MGAT4C: variants seen among roughly 807,000 people sequenced by gnomAD.
The protein encoded by MGAT4C is alpha-1,3-mannosyl-glycoprotein 4-beta-N-acetylglucosaminyltransferase C.
MGAT4C carries 19 observed loss-of-function variants against 40.1 expected under a neutral mutation model. That is an observed-to-expected ratio of 0.47 (90% confidence interval 0.33 to 0.70). MGAT4C has a LOEUF of 0.70. MGAT4C is among the 30% of genes least tolerant of loss of function. The pLI is 0.02. For missense variants in MGAT4C, 491 were observed against 563.2 expected (o/e 0.87, Z 1.30); for synonymous variants, 181 against 187.1 (o/e 0.97, Z 0.27).
At chr12:86,554,759 T>C (rs943830220) in intron 2 of MGAT4C, among the ~76,000 whole-genome samples, 2 of 152,234 alleles carry the variant, frequency 1.3e-5, no homozygotes, top group Admixed American at 1.3e-4. Context: ...CTATTGCTGC[T>C]ATAACAAATT....
chr12:86,135,195 A>T (rs1368219504), intron 1 of MGAT4C, among the ~76,000 whole-genome samples: 1 of 152,148 alleles, frequency 6.6e-6, no homozygotes, highest in Non-Finnish European at 1.5e-5. Flanking sequence ...AATGAAAACC[A>T]ACTCAGGGTT....
In MGAT4C at chr12:86,269,020, ATAT is replaced by A. The variant is rs1566246015; in HGVS notation, c.-57+65042_-57+65044del. ...TATATTCTTTCATACTTACATATAT[ATAT>A]ATATATATATATATATATATATATA... On this transcript the variant is annotated intron_variant, in intron 4 of 7. Coordinates refer to the MGAT4C transcript ENST00000548651. Among the ~76,000 whole-genome samples the A allele has an allele frequency of 1.8e-3, 21 of 11,768 alleles. 1 individual carries two copies. The highest frequency in any genetic ancestry group is 5.5e-3 in the African/African-American group (21 of 3,848). The allele number at this position is 11,768 out of a possible 152,430, so 7.7% of individuals were successfully genotyped here.
chr12:85,985,227 A>G (rs1405234161), intron 3 of MGAT4C, among the ~76,000 whole-genome samples: 1 of 152,238 alleles, frequency 6.6e-6, no homozygotes, highest in African/African-American at 2.4e-5. Context: ...CCTTGTTCTA[A>G]AAAATTAGAC....
intron 2 of MGAT4C, among the ~76,000 whole-genome samples, chr12:86,528,947 T>G (rs149365290): frequency 6.6e-6 from 1 of 151,852 alleles, no homozygotes; most frequent in Non-Finnish European, 1.5e-5. Flanking sequence ...ATCCTGCACA[T>G]GTACCCCTGA....
At chr12:86,611,983 C>A (rs566161228) in intron 2 of MGAT4C, among the ~76,000 whole-genome samples, 1 of 152,182 alleles carries the variant, frequency 6.6e-6, no homozygotes, top group Non-Finnish European at 1.5e-5. Flanking sequence ...CAGGAAAAAG[C>A]AAAAGCCACT....
In MGAT4C at chr12:86,575,122, T is replaced by C. The variant is rs796423918; in HGVS notation, c.-228-139857A>G. Among the ~76,000 whole-genome samples, 11 of 151,898 alleles carry C rather than the reference T, an allele frequency of 7.2e-5. 1 individual carries two copies. Among genetic ancestry groups the C allele is most frequent in the African/African-American group, 2.4e-4 (10 of 41,532 alleles). ...CTCTCTAGACTCATCTCTTCTCATT[T>C]ATGCCCTCATTCATTCATGTCACCA... On this transcript the variant is annotated intron_variant, in intron 2 of 7. Coordinates refer to the MGAT4C transcript ENST00000548651.
chr12:86,515,777 C>T (rs1202412696), intron 2 of MGAT4C, among the ~76,000 whole-genome samples: 1 of 141,692 alleles, frequency 7.1e-6, no homozygotes, highest in African/African-American at 2.6e-5. Flanking sequence ...CTCGCTCTGT[C>T]TGTCGCCCAG....
At chr12:86,417,780 A>G (rs991977432) in intron 3 of MGAT4C, among the ~76,000 whole-genome samples, 1 of 152,082 alleles carries the variant, frequency 6.6e-6, no homozygotes, top group African/African-American at 2.4e-5. Flanking sequence ...AAGAATATTA[A>G]TGGTGATAAT....
chr12:86,379,990 T>A (rs1167429105), intron 3 of MGAT4C, among the ~76,000 whole-genome samples: 1 of 152,132 alleles, frequency 6.6e-6, no homozygotes, highest in Non-Finnish European at 1.5e-5. Context: ...CAAGCATTAT[T>A]CTAACCTTTC....
intron 1 of MGAT4C, among the ~76,000 whole-genome samples, chr12:86,837,947 T>A (rs905655269): frequency 1.3e-5 from 2 of 152,196 alleles, no homozygotes; most frequent in African/African-American, 4.8e-5. Flanking sequence ...TTCAGAAGTT[T>A]TTCAGTTTTT....
intron 1 of MGAT4C, among the ~76,000 whole-genome samples, chr12:86,768,795 T>C (rs1196572838): frequency 6.6e-6 from 1 of 152,024 alleles, no homozygotes; most frequent in Non-Finnish European, 1.5e-5. Flanking sequence ...TCAATGGTGC[T>C]GGGAAAACTG....
At chr12:86,587,743 T>G (rs964192412) in intron 2 of MGAT4C, among the ~76,000 whole-genome samples, 1 of 151,414 alleles carries the variant, frequency 6.6e-6, no homozygotes, top group Non-Finnish European at 1.5e-5. Flanking sequence ...GATTTGGCTC[T>G]CTGTTTGTCT....
At position 85,963,613 on chromosome 12, in the gene MGAT4C, TC is replaced by T. The variant is rs1454569586; in HGVS notation, c.*15675del. 3 of 151,934 alleles carry T rather than the reference TC, an allele frequency of 2.0e-5. No homozygotes were observed. Among genetic ancestry groups the T allele is most frequent in the Non-Finnish European group, 2.9e-5 (2 of 67,906 alleles). 9.4% of individuals were successfully genotyped at this position (151,934 alleles called of 1,614,324 possible). On this transcript the variant is annotated 3_prime_UTR_variant, in exon 5 of 5. Transcript: ENST00000611864. ...AACCATGAGATTTCATTCTGGCATG[TC>T]CCCAGAATGTAATTATCAATGAACA...
chr12:86,295,578 G>A (rs892401337), intron 4 of MGAT4C, among the ~76,000 whole-genome samples: 3 of 152,090 alleles, frequency 2.0e-5, no homozygotes, highest in Non-Finnish European at 4.4e-5. Context: ...AGTGTGGAAG[G>A]GGACCCCAGC....
At chr12:86,375,417 C>T (rs1955805347) in intron 3 of MGAT4C, among the ~76,000 whole-genome samples, 2 of 152,054 alleles carry the variant, frequency 1.3e-5, no homozygotes, top group Admixed American at 1.3e-4. Flanking sequence ...TATGGTTAGA[C>T]ATGCTGTCTA....
At chr12:86,800,765 T>C (rs1323702722) in intron 1 of MGAT4C, among the ~76,000 whole-genome samples, 1 of 151,944 alleles carries the variant, frequency 6.6e-6, no homozygotes, top group East Asian at 1.9e-4. Context: ...GAAAAGAGCC[T>C]GACAAAGACT....
chr12:86,730,445 T>C (rs1950889478), intron 1 of MGAT4C, among the ~76,000 whole-genome samples: 2 of 152,006 alleles, frequency 1.3e-5, no homozygotes. Flanking sequence ...TAACAGGAAA[T>C]GCTTCTGCCA....
chr12:85,986,293 C>T (rs11117143), intron 3 of MGAT4C, among the ~76,000 whole-genome samples: 4,730 of 152,192 alleles, frequency 0.031, 98 homozygotes, highest in Middle Eastern at 0.068. Context: ...AGCTTTATGA[C>T]AATCATTTTC....
chr12:86,119,338 T>C (rs1439076029), intron 1 of MGAT4C, among the ~76,000 whole-genome samples: 1 of 152,172 alleles, frequency 6.6e-6, no homozygotes, highest in Non-Finnish European at 1.5e-5. Context: ...TAACATCTAT[T>C]ACTAAATTTC....
Sources: allele counts gnomAD v4.1 joint callset (sites outside exome capture counted in the v4.1 genomes callset), GRCh38; gene constraint gnomAD v4.1.1; transcripts MANE v1.5; gene names NCBI Gene and HGNC (gene_info 2026-07-23, HGNC 2026-07-21).